The following MAP3K19 variants were observed in gnomAD, a reference collection of about 807,000 sequenced individuals.
The protein encoded by MAP3K19 is mitogen-activated protein kinase kinase kinase 19, also known as SPS1/STE20-related protein kinase YSK4.
In MAP3K19, 91 loss-of-function variants were observed where a neutral mutation model predicts 114.4. That is an observed-to-expected ratio of 0.80 (90% CI 0.67 to 0.95). The LOEUF (loss-of-function observed/expected upper bound fraction) is 0.95. MAP3K19 is among the 40% of genes least tolerant of loss of function. MAP3K19 has a pLI of 0.00. For synonymous variants in MAP3K19, 518 were observed against 530.5 expected, an observed-to-expected ratio of 0.98 and a Z score of 0.32; for missense variants, 1,471 against 1,573.2, an observed-to-expected ratio of 0.94 and a Z score of 1.10.
chr2:135,019,336 A>G (rs1687813331), intron 5 of MAP3K19, among the ~76,000 whole-genome samples: 1 of 152,266 alleles, frequency 6.6e-6, no homozygotes, highest in African/African-American at 2.4e-5. Flanking sequence ...AAAATATTTT[A>G]TGAAGCATAT....
intron 1 of MAP3K19, among the ~76,000 whole-genome samples, chr2:135,040,847 G>A (rs1688632070): frequency 6.6e-6 from 1 of 152,202 alleles, no homozygotes; most frequent in African/African-American, 2.4e-5. Context: ...AACAGCACAA[G>A]CTTGGAGCCC....
Position 134,981,463 on chromosome 2 carries a change from A to G in MAP3K19, c.3278T>C (p.Leu1093Ser). 6 of 1,614,246 alleles carry G rather than the reference A, an allele frequency of 3.7e-6. No individual in the cohort carries two copies. The highest frequency in any genetic ancestry group is 2.2e-5 in the South Asian group (2 of 91,086). ...AGCAGCTAATTTATTAGAGGTATCC[A>G]AAGCCACCTGTTTTACAGCTATTAG... ...GQLIAVKQVA[L>S]DTSNKLAAEK... The change falls in exon 12 of 13, where the codon TTG becomes TCG. Residue 1093 changes from leucine (L) to serine (S), a missense_variant. By Grantham distance (145) the Leu-to-Ser change is moderately radical. Transcript: ENST00000392915.
chr2:134,986,700 T>G lies in MAP3K19; in HGVS notation c.2172A>C (p.Lys724Asn). The change falls in exon 10 of 13, where the codon AAA becomes AAC. Residue 724 changes from lysine to asparagine, a missense_variant. Physicochemically the swap from Lys to Asn is moderately conservative, Grantham distance 94. Transcript: ENST00000392915. ...TRLSQKKTHMKCPKTSFGIKQ... is the reference protein window; with the variant it reads ...TRLSQKKTHMNCPKTSFGIKQ... ...TAATGCCAAATGAAGTCTTTGGGCA[T>G]TTCATATGTGTTTTTTTCTGAGAAA... The G allele has an allele frequency of 2.5e-6, 4 of 1,614,170 alleles. No individual in the cohort carries two copies. The highest frequency in any genetic ancestry group is 3.4e-6 in the Non-Finnish European group (4 of 1,180,022).
chr2:135,015,455 A>G (rs1364932346), intron 5 of MAP3K19, among the ~76,000 whole-genome samples: 1 of 152,180 alleles, frequency 6.6e-6, no homozygotes, highest in Admixed American at 6.5e-5. Context: ...TCAGATACAT[A>G]CATTTTAAGT....
intron 3 of MAP3K19, among the ~76,000 whole-genome samples, chr2:135,028,160 T>C (rs1378348152): frequency 1.3e-5 from 2 of 152,216 alleles, no homozygotes; most frequent in African/African-American, 2.4e-5. Flanking sequence ...TGTAGGGTTA[T>C]GTTGCTGATT....
At chr2:134,989,357 T>C (rs1024349033) in intron 9 of MAP3K19, among the ~76,000 whole-genome samples, 4 of 152,174 alleles carry the variant, frequency 2.6e-5, no homozygotes, top group Non-Finnish European at 4.4e-5. Context: ...AATTGAGAAA[T>C]GTATGTTTAA....
chr2:134,996,505 G>C (rs1236045477), intron 8 of MAP3K19, among the ~76,000 whole-genome samples: 1 of 152,116 alleles, frequency 6.6e-6, no homozygotes, highest in Non-Finnish European at 1.5e-5. Flanking sequence ...TATGTTGTAG[G>C]TAAGGTCAGG....
intron 5 of MAP3K19, 35 bp from the exon 6 acceptor site, chr2:135,005,566 G>C (rs758843193): frequency 7.4e-6 from 11 of 1,492,162 alleles, no homozygotes; most frequent in Non-Finnish European, 1.0e-5. Context: ...TCAGTTATTA[G>C]TTATTCGATG....
chr2:135,039,419 C>CAAA (rs56987983), intron 2 of MAP3K19, among the ~76,000 whole-genome samples: 3,295 of 140,626 alleles, frequency 0.023, 117 homozygotes, highest in African/African-American at 0.078. Context: ...CCCATGTCTC[C>CAAA]AAAAAAAAAA....
chr2:135,000,056 G>C (rs758014061), intron 6 of MAP3K19, 41 bp from the exon 7 acceptor site: 2 of 1,310,268 alleles, frequency 1.5e-6, no homozygotes, highest in Non-Finnish European at 2.2e-6. Context: ...AGAAAGTAAT[G>C]AATTCCAGCG....
rs958620725 is a variant in MAP3K19 at position 134,977,070 on chromosome 2, C to A, written c.3920+3751G>T. ...CGGAAAAAAAAAAAAAAAAAAAATT[C>A]TTTCACTATCTGGAGGCCCTTTCTC... On this transcript the variant is annotated intron_variant, in intron 12 of 12. Transcript: ENST00000392915. Among the ~76,000 whole-genome samples the A allele has an allele frequency of 2.0e-4, 29 of 146,224 alleles. 1 individual carries two copies. Among genetic ancestry groups the A allele is most frequent in the African/African-American group, 7.5e-4 (29 of 38,780 alleles).
At chr2:135,007,639 A>G (rs1686926384) in intron 5 of MAP3K19, among the ~76,000 whole-genome samples, 2 of 151,302 alleles carry the variant, frequency 1.3e-5, no homozygotes, top group African/African-American at 4.9e-5. Flanking sequence ...TACCCTTATT[A>G]ATACTTTCTA....
At chr2:135,024,199 A>T (rs962792985) in intron 4 of MAP3K19, among the ~76,000 whole-genome samples, 2 of 152,208 alleles carry the variant, frequency 1.3e-5, no homozygotes, top group Non-Finnish European at 2.9e-5. Context: ...CAAACAATAA[A>T]GTCAGGCAGC....
intron 3 of MAP3K19, among the ~76,000 whole-genome samples, chr2:135,025,377 C>CTTTTTTTTTTTTTTTTTTT (rs754598942): frequency 2.9e-5 from 2 of 69,534 alleles, no homozygotes; most frequent in African/African-American, 6.3e-5. Context: ...CTTTTCTTTT[C>CTTTTTTTTTTTTTTTTTTT]TTTTTTTTTT....
chr2:134,967,973 G>C (rs1262844085), intron 12 of MAP3K19, among the ~76,000 whole-genome samples: 1 of 151,922 alleles, frequency 6.6e-6, no homozygotes, highest in Non-Finnish European at 1.5e-5. Flanking sequence ...AGTGAACAAA[G>C]GTCTCTGGTT....
In MAP3K19 at chr2:135,033,379, C is replaced by T. The variant is rs1439200821; in HGVS notation, c.-283-2879G>A. 3.5e-5 allele frequency among the ~76,000 whole-genome samples: 4 copies of T among 113,768 alleles called. 1 individual carries two copies. The highest frequency in any genetic ancestry group is 5.0e-5 in the Non-Finnish European group (3 of 60,186). 74.6% of individuals were successfully genotyped at this position (113,768 alleles called of 152,430 possible). Reference sequence around the variant, plus strand: ...CTGGCCGGGTGGGGGGCTGACCCCCCCCACTGCCCTCCCGGACGGGGCGGC... The same window carrying T: ...CTGGCCGGGTGGGGGGCTGACCCCCTCCACTGCCCTCCCGGACGGGGCGGC... On this transcript the variant is annotated intron_variant, in intron 2 of 12. Coordinates refer to ENST00000392915, the MANE Select transcript of MAP3K19 (RefSeq NM_025052.5).
chr2:135,032,940 G>A (rs370032752), intron 2 of MAP3K19, among the ~76,000 whole-genome samples: 5 of 140,962 alleles, frequency 3.5e-5, no homozygotes, highest in South Asian at 4.9e-4. Context: ...GTAAGGTCAC[G>A]GATCAACAGG....
chr2:135,045,536 A>G (rs535854885), intron 1 of MAP3K19, among the ~76,000 whole-genome samples: 17 of 152,218 alleles, frequency 1.1e-4, no homozygotes, highest in Non-Finnish European at 2.4e-4. Context: ...CAGATATTCA[A>G]ATAACAACTA....
intron 11 of MAP3K19, among the ~76,000 whole-genome samples, 183 bp from the exon 12 acceptor site, chr2:134,981,701 T>C (rs567670423): frequency 1.3e-5 from 2 of 152,234 alleles, no homozygotes; most frequent in South Asian, 4.1e-4. Flanking sequence ...CCAAGATGGG[T>C]ATGAGAAACA....
Sources: gnomAD v4.1 joint callset for allele counts (sites outside exome capture counted in the v4.1 genomes callset) on GRCh38, gnomAD v4.1.1 for gene constraint, MANE v1.5 for transcripts, NCBI Gene and HGNC (gene_info 2026-07-23, HGNC 2026-07-21) for gene names.